Variants in CCDC192 observed in about 807,000 individuals in gnomAD.
The protein encoded by CCDC192 is coiled-coil domain-containing protein 192.
At chr5:127,811,907 T>C (rs1466790572) in intron 5 of CCDC192, among the ~76,000 whole-genome samples, 2 of 152,130 alleles carry the variant, frequency 1.3e-5, no homozygotes, top group African/African-American at 2.4e-5. Flanking sequence ...CCCAGTAAAT[T>C]GGATGAGTTG....
chr5:127,909,040 G>A (rs1246428595), intron 6 of CCDC192, among the ~76,000 whole-genome samples: 2 of 152,178 alleles, frequency 1.3e-5, no homozygotes, highest in Non-Finnish European at 2.9e-5. Context: ...CTAGATTACA[G>A]CATGAAGAAG....
At chr5:127,738,700 C>T (rs914368631) in intron 2 of CCDC192, among the ~76,000 whole-genome samples, 3 of 152,098 alleles carry the variant, frequency 2.0e-5, no homozygotes, top group Non-Finnish European at 2.9e-5. Context: ...ATTGCTGATA[C>T]CCTTTCTTTC....
chr5:127,747,572 T>G (rs968874252), intron 2 of CCDC192, among the ~76,000 whole-genome samples: 99 of 151,926 alleles, frequency 6.5e-4, no homozygotes, highest in African/African-American at 2.3e-3. Context: ...AACATACGTG[T>G]GCATGTGTCT....
intron 5 of CCDC192, among the ~76,000 whole-genome samples, chr5:127,809,494 GT>G (rs1407844710): frequency 6.6e-6 from 1 of 152,122 alleles, no homozygotes; most frequent in East Asian, 1.9e-4. Context: ...GAGATTCTAT[GT>G]TGAATTTCAT....
At chr5:127,939,870 A>C (rs1754326325) in intron 6 of CCDC192, among the ~76,000 whole-genome samples, 1 of 152,176 alleles carries the variant, frequency 6.6e-6, no homozygotes, top group Admixed American at 6.5e-5. Flanking sequence ...AATTGTAACA[A>C]TCTACCGTGG....
At position 127,846,288 on chromosome 5, in the gene CCDC192, C is replaced by CA. The variant is rs34754443; in HGVS notation, c.412-29232dup. ...TGGGCGACAGAGCAAGACTCGGTCT[C>CA]AAAAAAAAAAAAAAAAAATTGTTAA... On this transcript the variant is annotated intron_variant, in intron 5 of 6. Transcript: ENST00000514853. 8.4e-4 allele frequency among the ~76,000 whole-genome samples: 104 copies of CA among 124,434 alleles called. 1 individual carries two copies. Among genetic ancestry groups the CA allele is most frequent in the Admixed American group, 2.4e-3 (30 of 12,388 alleles). 81.6% of individuals were successfully genotyped at this position (124,434 alleles called of 152,430 possible).
At chr5:127,777,306 A>G (rs1179112781) in intron 3 of CCDC192, among the ~76,000 whole-genome samples, 1 of 152,186 alleles carries the variant, frequency 6.6e-6, no homozygotes, top group African/African-American at 2.4e-5. Flanking sequence ...GCCCTGCTGG[A>G]TTTCAGATCT....
At chr5:127,702,252 C>T (rs955032602), upstream of CCDC192, among the ~76,000 whole-genome samples, 2 of 152,054 alleles carry the variant, frequency 1.3e-5, no homozygotes, top group Non-Finnish European at 2.9e-5. Flanking sequence ...ACCACCACAC[C>T]CGGCTAATTT....
At chr5:127,885,716 C>G (rs1246085384) in intron 6 of CCDC192, among the ~76,000 whole-genome samples, 1 of 152,110 alleles carries the variant, frequency 6.6e-6, no homozygotes, top group Non-Finnish European at 1.5e-5. Context: ...TCCTGCTGGA[C>G]AAGCAGGAGA....
chr5:127,767,127 T>C (rs773483000), intron 3 of CCDC192, among the ~76,000 whole-genome samples: 1 of 152,166 alleles, frequency 6.6e-6, no homozygotes, highest in Non-Finnish European at 1.5e-5. Flanking sequence ...CACACCAGCA[T>C]GGGAAGCCTG....
At chr5:127,753,503 C>T (rs1041201347) in intron 2 of CCDC192, among the ~76,000 whole-genome samples, 1 of 152,030 alleles carries the variant, frequency 6.6e-6, no homozygotes, top group African/African-American at 2.4e-5. Context: ...CAAGACTAGC[C>T]TGGCCAACAT....
At chr5:127,731,900 A>C (rs1270448555) in intron 2 of CCDC192, among the ~76,000 whole-genome samples, 1 of 152,194 alleles carries the variant, frequency 6.6e-6, no homozygotes, top group East Asian at 1.9e-4. Flanking sequence ...AAACTATAAC[A>C]TCCCAAACAG....
intron 2 of CCDC192, among the ~76,000 whole-genome samples, chr5:127,737,151 A>G (rs943509938): frequency 1.3e-5 from 2 of 151,924 alleles, no homozygotes; most frequent in East Asian, 1.9e-4. Context: ...GTTGGTTTCA[A>G]AGAACATCTT....
At chr5:127,801,604 C>T (rs1226384371) in intron 5 of CCDC192, among the ~76,000 whole-genome samples, 4 of 152,214 alleles carry the variant, frequency 2.6e-5, no homozygotes, top group Non-Finnish European at 5.9e-5. Flanking sequence ...GAATATCCTT[C>T]TCTCTTCTCT....
chr5:127,818,782 T>C (rs1749146691), intron 5 of CCDC192, among the ~76,000 whole-genome samples: 1 of 151,572 alleles, frequency 6.6e-6, no homozygotes, highest in Admixed American at 6.6e-5. Flanking sequence ...GCAAGGAGAG[T>C]TGAAAGAGCC....
chr5:127,803,129 A>G (rs1018485347), intron 5 of CCDC192, among the ~76,000 whole-genome samples: 1 of 152,230 alleles, frequency 6.6e-6, no homozygotes, highest in Admixed American at 6.5e-5. Context: ...GCTTGCTTTT[A>G]TTCAGAGTTC....
chr5:127,863,168 G>A (rs1303874630), intron 5 of CCDC192, among the ~76,000 whole-genome samples: 2 of 152,134 alleles, frequency 1.3e-5, no homozygotes, highest in Non-Finnish European at 1.5e-5. Context: ...CAGTTAATTT[G>A]GAAAAGGCAA....
At chr5:127,939,687 GTTT>G (rs34470118) in intron 6 of CCDC192, among the ~76,000 whole-genome samples, 77,445 of 144,754 alleles carry the variant, frequency 0.54, 21,580 homozygotes, top group East Asian at 0.91. Context: ...TTATTTTTAT[GTTT>G]TTTTTTTTTT....
At chr5:127,725,230 T>C (rs1022260078) in intron 2 of CCDC192, among the ~76,000 whole-genome samples, 1 of 152,194 alleles carries the variant, frequency 6.6e-6, no homozygotes, top group Non-Finnish European at 1.5e-5. Flanking sequence ...TTATTTTCCA[T>C]AGAGACAGGT....
Sources: allele counts gnomAD v4.1 joint callset (sites outside exome capture counted in the v4.1 genomes callset), GRCh38; gene constraint gnomAD v4.1.1; transcripts MANE v1.5; gene names NCBI Gene and HGNC (gene_info 2026-07-23, HGNC 2026-07-21).